The following GLRA2 variants were observed in gnomAD, a reference collection of about 807,000 sequenced individuals.
The protein encoded by GLRA2 is glycine receptor alpha 2, also known as glycine receptor subunit alpha-2.
In GLRA2, 11 loss-of-function variants were observed where a neutral mutation model predicts 31.6. The observed-to-expected ratio is 0.35, with a 90% CI of 0.22 to 0.58. The LOEUF (loss-of-function observed/expected upper bound fraction) is 0.58, where lower values mean the gene tolerates loss of function less well. Ranked by LOEUF, GLRA2 falls within the 20% of genes least tolerant of loss-of-function variation. GLRA2 has a pLI of 0.84. For missense variants in GLRA2, 212 were observed against 351.8 expected, an observed-to-expected ratio of 0.60 and a Z score of 3.18; for synonymous variants, 132 against 134.0, an observed-to-expected ratio of 0.99 and a Z score of 0.10.
chrX:14,460,184 G>C, the GLRA2 span, among the ~76,000 whole-genome samples: 1 of 111,631 alleles, frequency 9.0e-6, no homozygotes, highest in Admixed American at 9.5e-5. Context: ...TTTTTGATTT[G>C]CGTATGTTGT....
the GLRA2 span, among the ~76,000 whole-genome samples, chrX:14,464,542 A>G: frequency 1.8e-5 from 2 of 110,014 alleles, no homozygotes; most frequent in African/African-American, 6.6e-5. Context: ...GGGTCTATGT[A>G]TCTATTTTTT....
At chrX:14,460,524 TATTA>T in the GLRA2 span, among the ~76,000 whole-genome samples, 2 of 112,043 alleles carry the variant, frequency 1.8e-5, no homozygotes, top group Non-Finnish European at 3.8e-5. Flanking sequence ...GTTGGTTGGC[TATTA>T]ATTATTGCCT....
chrX:14,700,513 T>C (rs181660673), intron 8 of GLRA2, among the ~76,000 whole-genome samples: 2 of 111,204 alleles, frequency 1.8e-5, no homozygotes, highest in Non-Finnish European at 3.8e-5. Flanking sequence ...AAAAGAAACA[T>C]ATTCAGGAAG....
the GLRA2 span, among the ~76,000 whole-genome samples, chrX:14,451,830 C>A: frequency 2.7e-5 from 3 of 110,114 alleles, no homozygotes; most frequent in Non-Finnish European, 5.7e-5. Context: ...TCAGATAAAT[C>A]AGATGTTAAA....
chrX:14,529,808 C>T lies in GLRA2; in HGVS notation c.-250C>T, dbSNP rs1478711208. 1 of 405,119 alleles carries T rather than the reference C, an allele frequency of 2.5e-6. No individual in the cohort carries two copies. Among genetic ancestry groups the T allele is most frequent in the African/African-American group, 2.5e-5 (1 of 39,286 alleles). 33.4% of individuals were successfully genotyped at this position (405,119 alleles called of 1,213,427 possible). On this transcript the variant is annotated 5_prime_UTR_variant, in exon 1 of 9. Coordinates refer to ENST00000218075, the MANE Select transcript of GLRA2 (RefSeq NM_002063.4). ...ATTCAGGAAAAGCAGCTGGGGGATT[C>T]ATCAGTTCTGAGGCTTTGTCTTTCT... is the stretch of plus-strand genomic sequence containing the variant.
chrX:14,680,999 T>C (rs1001473598), intron 7 of GLRA2, among the ~76,000 whole-genome samples: 1 of 112,360 alleles, frequency 8.9e-6, no homozygotes, highest in Non-Finnish European at 1.9e-5. Context: ...ATGGGCCATG[T>C]GAATAATATA....
intron 4 of GLRA2, among the ~76,000 whole-genome samples, chrX:14,591,504 C>G (rs1201353062): frequency 8.9e-6 from 1 of 111,795 alleles, no homozygotes; most frequent in Non-Finnish European, 1.9e-5. Context: ...AAGATGAAGA[C>G]CGGAAGACTC....
intron 8 of GLRA2, among the ~76,000 whole-genome samples, chrX:14,691,906 A>G (rs939348246): frequency 4.4e-5 from 5 of 112,562 alleles, no homozygotes; most frequent in African/African-American, 1.6e-4. Context: ...TCCAGAAAAT[A>G]TTTGATAAAT....
chrX:14,465,880 G>T, the GLRA2 span, among the ~76,000 whole-genome samples: 2 of 111,861 alleles, frequency 1.8e-5, no homozygotes, highest in African/African-American at 6.5e-5. Context: ...TATGGGAGAG[G>T]TGTCACATTC....
At chrX:14,510,661 A>G in the GLRA2 span, among the ~76,000 whole-genome samples, 1 of 111,761 alleles carries the variant, frequency 8.9e-6, no homozygotes, top group Non-Finnish European at 1.9e-5. Context: ...TTCCTGGGGA[A>G]AATGGGTCTA....
chrX:14,536,219 C>A (rs150226211), intron 2 of GLRA2, among the ~76,000 whole-genome samples: 490 of 112,143 alleles, frequency 4.4e-3, no homozygotes, highest in Non-Finnish European at 6.6e-3. Context: ...TTTCAAGTAT[C>A]ATAGATCCAC....
intron 2 of GLRA2, among the ~76,000 whole-genome samples, chrX:14,543,019 C>T (rs1158994589): frequency 3.6e-5 from 4 of 109,960 alleles, no homozygotes; most frequent in Non-Finnish European, 7.6e-5. Flanking sequence ...TAGAATAAGA[C>T]ATTTTTGCCC....
intron 7 of GLRA2, among the ~76,000 whole-genome samples, chrX:14,617,209 G>A (rs1256179215): frequency 2.7e-5 from 3 of 110,984 alleles, no homozygotes; most frequent in Admixed American, 9.6e-5. Flanking sequence ...CACTAAAATG[G>A]GTAACTATGG....
At chrX:14,666,133 TA>T (rs749053385) in intron 7 of GLRA2, among the ~76,000 whole-genome samples, 32 of 112,432 alleles carry the variant, frequency 2.8e-4, no homozygotes, top group Non-Finnish European at 2.6e-4. Context: ...GGTATTTTCA[TA>T]ATGTTACTCA....
At chrX:14,501,748 G>A in the GLRA2 span, among the ~76,000 whole-genome samples, 31,809 of 110,979 alleles carry the variant, frequency 0.29, 3,501 homozygotes, top group Non-Finnish European at 0.34. Flanking sequence ...GCCAGGAATC[G>A]TAATTATAGT....
At chrX:14,711,704 T>A (rs1006355404) in intron 8 of GLRA2, among the ~76,000 whole-genome samples, 1 of 112,165 alleles carries the variant, frequency 8.9e-6, no homozygotes, top group African/African-American at 3.2e-5. Flanking sequence ...GGAGATATCA[T>A]CTCTATTTTA....
intron 3 of GLRA2, among the ~76,000 whole-genome samples, chrX:14,579,124 A>G (rs2089988302): frequency 8.9e-6 from 1 of 112,162 alleles, no homozygotes; most frequent in Non-Finnish European, 1.9e-5. Flanking sequence ...CTGAAATCAC[A>G]TTCCTGAAGA....
At chrX:14,520,437 A>G in the GLRA2 span, among the ~76,000 whole-genome samples, 49 of 112,568 alleles carry the variant, frequency 4.4e-4, no homozygotes, top group Middle Eastern at 4.6e-3. Context: ...TGTTTATGAA[A>G]AGAAACGCTG....
rs188718333 is a variant in GLRA2, at chrX:14,621,821, C to T, written c.930+12616C>T. On this transcript the variant is annotated intron_variant, in intron 7 of 8. Transcript: ENST00000218075. ...CTATTGTGAATAGTGCTGCAATAAACATGTGTGCATGTGTCTTTATAGCAG... is the reference window on the plus strand; with the variant it reads ...CTATTGTGAATAGTGCTGCAATAAATATGTGTGCATGTGTCTTTATAGCAG... Among the ~76,000 whole-genome samples, 33 of 111,663 alleles carry T rather than the reference C, an allele frequency of 3.0e-4. No individual in the cohort carries two copies. The East Asian group carries it at 9.3e-3, about 32-fold the overall frequency.
Sources: gnomAD v4.1 joint callset for allele counts (sites outside exome capture counted in the v4.1 genomes callset) on GRCh38, gnomAD v4.1.1 for gene constraint, MANE v1.5 for transcripts, NCBI Gene and HGNC (gene_info 2026-07-23, HGNC 2026-07-21) for gene names.